The following MTUS2 variants were observed in gnomAD, a reference collection of about 807,000 sequenced individuals.
The protein encoded by MTUS2 is microtubule associated scaffold protein 2, also known as microtubule-associated tumor suppressor candidate 2.
Under a neutral mutation model 114.1 loss-of-function variants are expected in MTUS2, and 40 were observed. That is an observed-to-expected ratio of 0.35 (90% CI 0.27 to 0.46). The LOEUF is 0.46. Ranked by LOEUF, MTUS2 falls within the 20% of genes least tolerant of loss-of-function variation. MTUS2 has a pLI of 1.00. For synonymous variants in MTUS2, 688 were observed against 672.0 expected, an observed-to-expected ratio of 1.02 and a Z score of -0.37; for missense variants, 1,679 against 1,705.4, an observed-to-expected ratio of 0.98 and a Z score of 0.27.
chr13:28,842,337 C>T (rs76197584), intron 2 of MTUS2, among the ~76,000 whole-genome samples: 6,531 of 152,184 alleles, frequency 0.043, 417 homozygotes, highest in African/African-American at 0.13. Context: ...TGGACATTAT[C>T]CTTGACTGTG....
chr13:29,302,711 C>T (rs1899259927), intron 6 of MTUS2, among the ~76,000 whole-genome samples: 1 of 152,240 alleles, frequency 6.6e-6, no homozygotes, highest in Non-Finnish European at 1.5e-5. Context: ...TCAGTTGACT[C>T]AGCTATGCCA....
At chr13:29,164,816 CTG>C (rs1334379673) in intron 5 of MTUS2, among the ~76,000 whole-genome samples, 1 of 152,070 alleles carries the variant, frequency 6.6e-6, no homozygotes, top group South Asian at 2.1e-4. Context: ...TTAAGTAAAA[CTG>C]TTTTAAAATC....
intron 9 of MTUS2, among the ~76,000 whole-genome samples, chr13:29,457,273 T>G (rs73444089): frequency 0.018 from 2,718 of 152,096 alleles, 72 homozygotes; most frequent in African/African-American, 0.061. Context: ...GATATTTACA[T>G]TGCACCAGAA....
chr13:29,453,831 C>T (rs753408640), intron 9 of MTUS2, among the ~76,000 whole-genome samples: 2 of 152,060 alleles, frequency 1.3e-5, no homozygotes, highest in South Asian at 2.1e-4. Context: ...AAAGCAGGGC[C>T]GGTGTCTGGG....
Position 29,100,780 on chromosome 13 carries a change from A to G in MTUS2, c.2454A>G (p.Leu818=). The G allele has an allele frequency of 6.4e-7, 1 of 1,551,496 alleles. No homozygotes were observed. Among genetic ancestry groups the G allele is most frequent in the South Asian group, 1.2e-5 (1 of 84,050 alleles). ...TATTTGGGTTCGTTTTAGCAGATTTAAAGAAAGCTTCCAGTTCAAATGCTG... is the reference window on the plus strand; with the variant it reads ...TATTTGGGTTCGTTTTAGCAGATTTGAAGAAAGCTTCCAGTTCAAATGCTG... ...SLYSSDPSAD[L]KKASSSNAAK... is the part of the protein sequence containing the mutation. The change falls in exon 5 of 16, where the codon TTA becomes TTG. Residue 818 remains leucine (L), a synonymous_variant. Coordinates refer to ENST00000612955, the MANE Select transcript of MTUS2 (RefSeq NM_001033602.4).
chr13:28,949,626 C>T (rs1023198444), intron 2 of MTUS2, among the ~76,000 whole-genome samples: 2 of 152,120 alleles, frequency 1.3e-5, no homozygotes, highest in African/African-American at 4.8e-5. Flanking sequence ...CTATTTTCCT[C>T]CCAGCCCCTG....
In MTUS2 at chr13:28,967,755, T is replaced by G. The variant is rs145429703; in HGVS notation, c.-242-56702T>G. Among the ~76,000 whole-genome samples, 5 of 152,254 alleles carry G rather than the reference T, an allele frequency of 3.3e-5. No individual in the cohort carries two copies. The East Asian group carries it at 9.6e-4, about 29-fold the overall frequency. ...CTTGTTACCCAGATGACATGATCTG[T>G]GCAAAAATTCATCATCCCTGGAAGA... On this transcript the variant is annotated intron_variant, in intron 2 of 15. Coordinates refer to ENST00000612955, the MANE Select transcript of MTUS2 (RefSeq NM_001033602.4).
At chr13:29,423,551 A>C (rs1446915290) in intron 8 of MTUS2, among the ~76,000 whole-genome samples, 1 of 152,244 alleles carries the variant, frequency 6.6e-6, no homozygotes, top group African/African-American at 2.4e-5. Flanking sequence ...AGCATCAAAA[A>C]ACAGTAATTA....
intron 7 of MTUS2, among the ~76,000 whole-genome samples, chr13:29,327,372 A>T (rs1593307343): frequency 6.6e-6 from 1 of 151,976 alleles, no homozygotes; most frequent in Non-Finnish European, 1.5e-5. Context: ...GTTTCCTGGG[A>T]CCCCTTTGTC....
At chr13:29,444,831 T>C (rs1291491691) in intron 9 of MTUS2, among the ~76,000 whole-genome samples, 7 of 152,224 alleles carry the variant, frequency 4.6e-5, no homozygotes, top group Admixed American at 4.6e-4. Context: ...TTGGAAATTA[T>C]ACAGAGGCTG....
intron 2 of MTUS2, among the ~76,000 whole-genome samples, chr13:28,889,653 T>C (rs1214400487): frequency 6.6e-6 from 1 of 152,178 alleles, no homozygotes; most frequent in Non-Finnish European, 1.5e-5. Flanking sequence ...GATTTTTTTT[T>C]CCTCTTAGAA....
At chr13:28,941,146 A>T (rs1882212438) in intron 2 of MTUS2, among the ~76,000 whole-genome samples, 1 of 152,036 alleles carries the variant, frequency 6.6e-6, no homozygotes, top group Admixed American at 6.6e-5. Context: ...CTATACCAAT[A>T]ATTTTCCAAC....
intron 2 of MTUS2, among the ~76,000 whole-genome samples, chr13:28,865,508 C>G (rs963198544): frequency 1.3e-5 from 2 of 152,174 alleles, no homozygotes; most frequent in Admixed American, 1.3e-4. Flanking sequence ...TGCTTCCAAG[C>G]GTGACTTTAT....
chr13:29,176,433 G>A (rs1406588087), intron 5 of MTUS2, among the ~76,000 whole-genome samples: 1 of 152,174 alleles, frequency 6.6e-6, no homozygotes, highest in Non-Finnish European at 1.5e-5. Context: ...TTCTCTTGGA[G>A]CAGGTGCTAT....
intron 5 of MTUS2, among the ~76,000 whole-genome samples, chr13:29,157,331 T>C (rs1007252485): frequency 2.0e-5 from 3 of 152,190 alleles, no homozygotes; most frequent in Non-Finnish European, 4.4e-5. Flanking sequence ...TCTCCATCAG[T>C]GTGTAAGAGT....
intron 2 of MTUS2, among the ~76,000 whole-genome samples, chr13:28,998,637 C>A (rs1201744751): frequency 1.3e-5 from 2 of 152,130 alleles, no homozygotes; most frequent in African/African-American, 2.4e-5. Context: ...TCATTTCATT[C>A]ATTTGACCTT....
chr13:29,102,724 C>T (rs1323360367), intron 5 of MTUS2, among the ~76,000 whole-genome samples: 1 of 152,154 alleles, frequency 6.6e-6, no homozygotes, highest in African/African-American at 2.4e-5. Context: ...AAAAACCCCC[C>T]ATGAATTTGA....
chr13:29,033,686 G>A (rs866203414), intron 3 of MTUS2, among the ~76,000 whole-genome samples, 199 bp from the exon 4 acceptor site: 66 of 152,054 alleles, frequency 4.3e-4, no homozygotes, highest in African/African-American at 1.6e-3. Context: ...AGTAGAACTG[G>A]AAGAGACCTG....
At chr13:28,929,303 G>T (rs1200563331) in intron 2 of MTUS2, among the ~76,000 whole-genome samples, 1 of 152,146 alleles carries the variant, frequency 6.6e-6, no homozygotes, top group Non-Finnish European at 1.5e-5. Flanking sequence ...TTTCAGGATA[G>T]CTAGAAGAGA....
Sources: allele counts gnomAD v4.1 joint callset (sites outside exome capture counted in the v4.1 genomes callset), GRCh38; gene constraint gnomAD v4.1.1; transcripts MANE v1.5; gene names NCBI Gene and HGNC (gene_info 2026-07-23, HGNC 2026-07-21).